The following SEZ6L variants were observed in gnomAD, a reference collection of about 807,000 sequenced individuals.
The protein encoded by SEZ6L is seizure 6-like protein.
A neutral mutation model predicts 106.2 loss-of-function variants in SEZ6L; 37 were observed. The observed-to-expected ratio is 0.35, with a 90% CI of 0.27 to 0.46. The LOEUF is 0.46. Among genes scored for constraint, SEZ6L ranks in the 20% least tolerant of loss-of-function variants. The probability of loss-of-function intolerance (pLI) is 1.00; values close to 1 mark genes in which losing one functional copy is unlikely to be tolerated. For missense variants in SEZ6L, 1,172 were observed against 1,332.8 expected, an observed-to-expected ratio of 0.88 and a Z score of 1.88; for synonymous variants, 541 against 570.4, an observed-to-expected ratio of 0.95 and a Z score of 0.73.
At chr22:26,234,098 G>A (rs539802315) in intron 1 of SEZ6L, among the ~76,000 whole-genome samples, 1 of 152,202 alleles carries the variant, frequency 6.6e-6, no homozygotes, top group East Asian at 1.9e-4. Context: ...TGGCATGGGG[G>A]ACGTGAATCA....
intron 1 of SEZ6L, among the ~76,000 whole-genome samples, chr22:26,270,706 G>A (rs2080336690): frequency 6.6e-6 from 1 of 152,206 alleles, no homozygotes; most frequent in South Asian, 2.1e-4. Context: ...GAGGGGATCA[G>A]GTGGAACAGT....
chr22:26,226,486 C>T (rs796940999), intron 1 of SEZ6L, among the ~76,000 whole-genome samples: 37 of 152,338 alleles, frequency 2.4e-4, no homozygotes, highest in African/African-American at 8.4e-4. Context: ...AAATCAGAAC[C>T]TTAAGCATAT....
chr22:26,251,412 A>C (rs2079578705), intron 1 of SEZ6L, among the ~76,000 whole-genome samples: 3 of 151,652 alleles, frequency 2.0e-5, no homozygotes, highest in Admixed American at 2.0e-4. Context: ...TGAAATAATC[A>C]TATGGTTTTT....
chr22:26,363,345 C>T (rs892517074), intron 12 of SEZ6L, among the ~76,000 whole-genome samples: 6 of 152,162 alleles, frequency 3.9e-5, no homozygotes, highest in Admixed American at 6.5e-5. Context: ...CCACAAGTGC[C>T]GTAGGACCAG....
At chr22:26,240,298 C>T (rs2079086118) in intron 1 of SEZ6L, among the ~76,000 whole-genome samples, 1 of 152,054 alleles carries the variant, frequency 6.6e-6, no homozygotes, top group Non-Finnish European at 1.5e-5. Flanking sequence ...GAAGGAGAGT[C>T]CCATTCATCA....
intron 1 of SEZ6L, among the ~76,000 whole-genome samples, chr22:26,262,257 T>TATCC (rs1228063917): frequency 0.015 from 2,247 of 150,602 alleles, 58 homozygotes; most frequent in African/African-American, 0.053. Flanking sequence ...TCTATCTATC[T>TATCC]ATCTATCTAT....
chr22:26,288,274 T>C (rs1190332885), intron 1 of SEZ6L, among the ~76,000 whole-genome samples: 1 of 152,208 alleles, frequency 6.6e-6, no homozygotes, highest in Non-Finnish European at 1.5e-5. Context: ...TGGGTTCACG[T>C]GTTCCCAAAC....
intron 3 of SEZ6L, among the ~76,000 whole-genome samples, chr22:26,296,603 A>G (rs2081307822): frequency 6.6e-6 from 1 of 152,218 alleles, no homozygotes; most frequent in Non-Finnish European, 1.5e-5. Context: ...GCCTGTGCCA[A>G]AGGCCCCTCT....
At chr22:26,374,986 G>A (rs562263553) in intron 14 of SEZ6L, among the ~76,000 whole-genome samples, 2 of 152,244 alleles carry the variant, frequency 1.3e-5, no homozygotes, top group East Asian at 3.9e-4. Context: ...GAGCCCACTC[G>A]TGGACTGGAG....
chr22:26,317,282 T>C (rs1410458222), intron 9 of SEZ6L, among the ~76,000 whole-genome samples: 1 of 152,064 alleles, frequency 6.6e-6, no homozygotes, highest in African/African-American at 2.4e-5. Context: ...TATGAATTCC[T>C]TCCCCCAGAA....
intron 1 of SEZ6L, among the ~76,000 whole-genome samples, chr22:26,201,978 A>G (rs534879603): frequency 6.6e-6 from 1 of 152,146 alleles, no homozygotes; most frequent in South Asian, 2.1e-4. Context: ...CAGTGGTGCA[A>G]TCTCCGCTCA....
At chr22:26,369,065 G>A (rs1037907789) in intron 13 of SEZ6L, among the ~76,000 whole-genome samples, 1 of 152,174 alleles carries the variant, frequency 6.6e-6, no homozygotes, top group Middle Eastern at 3.4e-3. Context: ...AGGCGGGCCT[G>A]GAATAAGCCT....
intron 1 of SEZ6L, among the ~76,000 whole-genome samples, chr22:26,234,046 A>C (rs2078882243): frequency 6.6e-6 from 1 of 152,118 alleles, no homozygotes; most frequent in African/African-American, 2.4e-5. Flanking sequence ...TTCTGATGCC[A>C]ATGTAGGAGT....
rs759752155 is a variant in SEZ6L, at chr22:26,297,000, G to A, written c.1082G>A (p.Arg361Gln). 4.4e-5 allele frequency: 71 copies of A among 1,613,946 alleles called. No homozygotes were observed. The highest frequency in any genetic ancestry group is 9.3e-5 in the African/African-American group (7 of 74,900). ...CTCCTGGTGGAGGGGCAGGTAATCC[G>A]AAGCCCCACCAACACCATCTCCGTC... is the stretch of plus-strand genomic sequence containing the variant. ...QTLLVEGQVI[R>Q]SPTNTISVYF... The change falls in exon 4 of 17, where the codon CGA becomes CAA. Residue 361 changes from arginine to glutamine, a missense_variant. By Grantham distance (43) the Arg-to-Gln change is conservative. Coordinates refer to ENST00000248933, the MANE Select transcript of SEZ6L (RefSeq NM_021115.5).
rs113143896 is a variant in SEZ6L, at chr22:26,311,636, C to T, written c.1682-132C>T. ...GGGTTCTCAACACGTCAGCTGGAAC[C>T]AGGACACGTAATTTGGTACCTGTTT... On this transcript the variant is annotated intron_variant, in intron 7 of 16. Transcript: ENST00000248933. 1.3e-3 allele frequency: 1,023 copies of T among 802,370 alleles called. 5 individuals carry two copies. In the African/African-American group the frequency reaches 0.015, roughly 12 times the overall value. 49.7% of individuals were successfully genotyped at this position (802,370 alleles called of 1,614,324 possible). A position where few individuals can be genotyped will look rare whatever the true frequency, so the allele number is the denominator to read the frequency against.
At position 26,292,596 on chromosome 22, in the gene SEZ6L, C is replaced by G. The variant is rs768229027; in HGVS notation, c.285C>G (p.Asp95Glu). 38 of 1,613,456 alleles carry G rather than the reference C, an allele frequency of 2.4e-5. No homozygotes were observed. Among genetic ancestry groups the G allele is most frequent in the Non-Finnish European group, 3.1e-5 (36 of 1,179,798 alleles). ...LDGTAPSAHH[D>E]IPALSPLLPE... ...GGACCGCACCCTCTGCACATCACGA[C>G]ATCCCAGCCCTGTCACCGCTGCTTC... Residue 95 changes from aspartate (D) to glutamate (E), a missense_variant, in exon 2 of 17, where the codon GAC (aspartate) becomes GAG (glutamate). Physicochemically the swap from Asp to Glu is conservative, Grantham distance 45. Transcript: ENST00000248933.
intron 12 of SEZ6L, among the ~76,000 whole-genome samples, chr22:26,355,867 A>C (rs2083421523): frequency 6.6e-6 from 1 of 152,182 alleles, no homozygotes; most frequent in Non-Finnish European, 1.5e-5. Flanking sequence ...ATCCTAGTCC[A>C]TTTACCCCAG....
At position 26,292,451 on chromosome 22, in the gene SEZ6L, TGCCCTCA is replaced by T; in HGVS notation, c.142_148del (p.Pro48GlufsTer18). The T allele has an allele frequency of 6.2e-7, 1 of 1,613,920 alleles. No homozygotes were observed. The highest frequency in any genetic ancestry group is 8.5e-7 in the Non-Finnish European group (1 of 1,179,924). On this transcript the variant is annotated frameshift_variant, in exon 2 of 17. Coordinates refer to ENST00000248933, the MANE Select transcript of SEZ6L (RefSeq NM_021115.5). LOFTEE classifies it high-confidence loss of function. ...GCTAGCCCTTTGGGTCCTTACCTCC[TGCCCTCA>T]GGAGCCCCGGAGAGAGGCAGTCCTG...
chr22:26,341,101 A>G (rs1479615992), intron 10 of SEZ6L, among the ~76,000 whole-genome samples: 1 of 152,112 alleles, frequency 6.6e-6, no homozygotes, highest in Non-Finnish European at 1.5e-5. Context: ...CCCGAACTGA[A>G]GCTCAGCTCT....
Sources: gnomAD v4.1 joint callset for allele counts (sites outside exome capture counted in the v4.1 genomes callset) on GRCh38, gnomAD v4.1.1 for gene constraint, MANE v1.5 for transcripts, NCBI Gene and HGNC (gene_info 2026-07-23, HGNC 2026-07-21) for gene names.